Variants in NEGR1 observed in about 807,000 individuals in gnomAD.
NEGR1 encodes IgLON family member 4.
In NEGR1, 10 loss-of-function variants were observed where a neutral mutation model predicts 40.9. The observed-to-expected ratio is 0.24, with a 90% CI of 0.15 to 0.42. The LOEUF is 0.42. Ranked by LOEUF, NEGR1 falls within the 10% of genes least tolerant of loss-of-function variation. The pLI is 1.00. For missense variants in NEGR1, 352 were observed against 438.9 expected (o/e 0.80, Z 1.77); for synonymous variants, 185 against 166.8 (o/e 1.11, Z -0.84).
At chr1:71,714,527 A>G (rs2101646812) in intron 3 of NEGR1, among the ~76,000 whole-genome samples, 1 of 152,354 alleles carries the variant, frequency 6.6e-6, no homozygotes, top group Admixed American at 6.5e-5. Context: ...TACAATGAAA[A>G]GCAAGTTGGT....
chr1:71,666,261 TA>T (rs1652238392), intron 4 of NEGR1, among the ~76,000 whole-genome samples: 1 of 152,196 alleles, frequency 6.6e-6, no homozygotes, highest in Non-Finnish European at 1.5e-5. Flanking sequence ...AATGCTTTTT[TA>T]GGATTTTCAA....
At chr1:71,504,573 G>T (rs911227692) in intron 6 of NEGR1, among the ~76,000 whole-genome samples, 1 of 152,170 alleles carries the variant, frequency 6.6e-6, no homozygotes, top group Admixed American at 6.5e-5. Context: ...AAGACTAGGG[G>T]CTTCAGGGGT....
chr1:72,133,950 A>G (rs1262941854), intron 1 of NEGR1, among the ~76,000 whole-genome samples: 1 of 151,908 alleles, frequency 6.6e-6, no homozygotes, highest in Non-Finnish European at 1.5e-5. Context: ...ATGAAAAATC[A>G]TGTGTTTCAT....
At position 71,731,543 on chromosome 1, in the gene NEGR1, G is replaced by C. The variant is rs112440210; in HGVS notation, c.536-33404C>G. On this transcript the variant is annotated intron_variant, in intron 3 of 6. Transcript: ENST00000357731. ...ATAGAGATAATTATTTTGGTTAAGA[G>C]CAATAAGTGGAAAAGGACAATTTCT... is the stretch of plus-strand genomic sequence containing the variant. Among the ~76,000 whole-genome samples, 267 of 152,330 alleles carry C rather than the reference G, an allele frequency of 1.8e-3. 1 individual carries two copies. The highest frequency in any genetic ancestry group is 6.3e-3 in the African/African-American group (260 of 41,570).
chr1:71,667,949 T>C (rs1468827247), intron 4 of NEGR1, among the ~76,000 whole-genome samples: 4 of 152,334 alleles, frequency 2.6e-5, no homozygotes, highest in Admixed American at 1.3e-4. Context: ...TGTTAATACA[T>C]ATGAAAGTAG....
chr1:72,204,241 ATTC>A (rs1428088044), intron 1 of NEGR1, among the ~76,000 whole-genome samples: 1 of 152,098 alleles, frequency 6.6e-6, no homozygotes, highest in Admixed American at 6.6e-5. Flanking sequence ...CACAAAGATT[ATTC>A]AATTGGTTCC....
intron 4 of NEGR1, among the ~76,000 whole-genome samples, chr1:71,673,339 T>C (rs1390055670): frequency 6.6e-6 from 1 of 152,038 alleles, no homozygotes; most frequent in Non-Finnish European, 1.5e-5. Context: ...GACAAGAGAG[T>C]CCATATATAT....
chr1:72,148,774 T>A (rs1346020833), intron 1 of NEGR1, among the ~76,000 whole-genome samples: 1 of 152,160 alleles, frequency 6.6e-6, no homozygotes, highest in African/African-American at 2.4e-5. Context: ...TCACCTTTGC[T>A]CCGGTTCCCA....
chr1:72,105,556 A>G (rs1198809807), intron 1 of NEGR1, among the ~76,000 whole-genome samples: 2 of 151,992 alleles, frequency 1.3e-5, no homozygotes, highest in East Asian at 3.9e-4. Context: ...AAATAAATAA[A>G]TAAATAAATA....
At chr1:71,994,388 C>T (rs1239743241) in intron 1 of NEGR1, among the ~76,000 whole-genome samples, 1 of 151,718 alleles carries the variant, frequency 6.6e-6, no homozygotes, top group Non-Finnish European at 1.5e-5. Flanking sequence ...ATTAGCCGGG[C>T]GTGGTGGTGG....
intron 1 of NEGR1, among the ~76,000 whole-genome samples, chr1:72,040,447 C>A (rs1646942209): frequency 6.6e-6 from 1 of 151,408 alleles, no homozygotes; most frequent in Non-Finnish European, 1.5e-5. Context: ...AATAAAAACA[C>A]CTTCTTGAAT....
At chr1:71,506,712 C>T (rs1217273167) in intron 6 of NEGR1, among the ~76,000 whole-genome samples, 1 of 151,880 alleles carries the variant, frequency 6.6e-6, no homozygotes, top group Non-Finnish European at 1.5e-5. Flanking sequence ...AATACAAAAC[C>T]AAAGTTAGAC....
chr1:71,594,982 C>A (rs1032333760), intron 5 of NEGR1, among the ~76,000 whole-genome samples: 1 of 152,178 alleles, frequency 6.6e-6, no homozygotes, highest in Non-Finnish European at 1.5e-5. Flanking sequence ...ACTGGCTAGA[C>A]CCAGGGGAAA....
At chr1:72,094,782 T>C (rs536095071) in intron 1 of NEGR1, among the ~76,000 whole-genome samples, 11 of 152,330 alleles carry the variant, frequency 7.2e-5, no homozygotes, top group African/African-American at 2.6e-4. Context: ...TAGATCTCAC[T>C]GGTATTTTGT....
At chr1:72,193,032 T>C (rs576509484) in intron 1 of NEGR1, among the ~76,000 whole-genome samples, 1 of 151,796 alleles carries the variant, frequency 6.6e-6, no homozygotes, top group Non-Finnish European at 1.5e-5. Flanking sequence ...AGAGAAATAC[T>C]AGTAAATGAT....
At chr1:71,446,378 T>A (rs908663379) in intron 6 of NEGR1, among the ~76,000 whole-genome samples, 1 of 152,176 alleles carries the variant, frequency 6.6e-6, no homozygotes, top group Admixed American at 6.5e-5. Context: ...CTTTCTTAAA[T>A]GTCATGAAAT....
At chr1:72,178,285 T>A (rs1434343283) in intron 1 of NEGR1, among the ~76,000 whole-genome samples, 2 of 152,064 alleles carry the variant, frequency 1.3e-5, no homozygotes. Context: ...AATAGCCAGT[T>A]GTATTCTGTG....
intron 6 of NEGR1, among the ~76,000 whole-genome samples, chr1:71,524,620 G>A (rs574483584): frequency 3.1e-4 from 47 of 151,612 alleles, no homozygotes; most frequent in African/African-American, 1.1e-3. Context: ...TATGGTTTAC[G>A]GAGTGATGAC....
chr1:71,777,476 T>C (rs1656552850), intron 2 of NEGR1, among the ~76,000 whole-genome samples: 1 of 152,116 alleles, frequency 6.6e-6, no homozygotes. Context: ...GTAGAGGGTA[T>C]GACTGACCTA....
Sources: allele counts gnomAD v4.1 joint callset (sites outside exome capture counted in the v4.1 genomes callset), GRCh38; gene constraint gnomAD v4.1.1; transcripts MANE v1.5; gene names NCBI Gene and HGNC (gene_info 2026-07-23, HGNC 2026-07-21).